MAGI1: variants seen among roughly 807,000 people sequenced by gnomAD.
The protein encoded by MAGI1 is membrane-associated guanylate kinase, WW and PDZ domain-containing protein 1.
Under a neutral mutation model 139.9 loss-of-function variants are expected in MAGI1, and 58 were observed. That is an observed-to-expected ratio of 0.41 (90% CI 0.34 to 0.52). The LOEUF is 0.52. MAGI1 is among the 20% of genes least tolerant of loss of function. The pLI, the probability that MAGI1 is intolerant of heterozygous loss-of-function variation, is 0.12. For missense variants in MAGI1, 1,874 were observed against 1,901.6 expected (o/e 0.99, Z 0.27); for synonymous variants, 812 against 737.9 (o/e 1.10, Z -1.63).
At chr3:65,414,743 A>C (rs1379948152) in intron 12 of MAGI1, among the ~76,000 whole-genome samples, 1 of 152,126 alleles carries the variant, frequency 6.6e-6, no homozygotes, top group Non-Finnish European at 1.5e-5. Context: ...TCATAAGAAA[A>C]AAAAGAGGCA....
At chr3:65,907,776 G>C (rs745307414) in intron 1 of MAGI1, 7 of 152,126 alleles carry the variant, frequency 4.6e-5, no homozygotes, top group Admixed American at 6.5e-5. Flanking sequence ...ACCTTCTCAA[G>C]CATCTGATGG....
chr3:65,420,153 G>C (rs985515838), intron 12 of MAGI1, among the ~76,000 whole-genome samples: 7 of 152,026 alleles, frequency 4.6e-5, no homozygotes, highest in Non-Finnish European at 5.9e-5. Flanking sequence ...CTGAGAGCCT[G>C]TCCCTTCACC....
At chr3:65,856,286 T>A (rs2059376650) in intron 1 of MAGI1, among the ~76,000 whole-genome samples, 2 of 150,190 alleles carry the variant, frequency 1.3e-5, no homozygotes, top group South Asian at 4.2e-4. Context: ...AAGAGTAGAA[T>A]GCAGGTTTTA....
intron 1 of MAGI1, among the ~76,000 whole-genome samples, chr3:65,846,510 G>T (rs1378999992): frequency 6.6e-6 from 1 of 152,208 alleles, no homozygotes; most frequent in Non-Finnish European, 1.5e-5. Flanking sequence ...ATAGTTAAAT[G>T]ATGCTCTGCC....
intron 1 of MAGI1, among the ~76,000 whole-genome samples, chr3:65,902,349 A>C (rs374425142): frequency 6.6e-6 from 1 of 152,190 alleles, no homozygotes. Context: ...AACCTCATAT[A>C]GTAGAATGAA....
rs1486670610 is a variant in MAGI1, at chr3:65,355,569, G to A, written c.*809C>T. On this transcript the variant is annotated 3_prime_UTR_variant, in exon 23 of 23. Coordinates refer to ENST00000402939, the MANE Select transcript of MAGI1 (RefSeq NM_001033057.2). ...GAAAGATGCTTGTTGTCTCTTCCTC[G>A]TAGTAATTGAGCAAAGCTGTGATGG... is the stretch of plus-strand genomic sequence containing the variant. 1.3e-5 allele frequency: 2 copies of A among 152,566 alleles called. No individual in the cohort carries two copies. The highest frequency in any genetic ancestry group is 2.9e-5 in the Non-Finnish European group (2 of 68,034). The allele number at this position is 152,566 out of a possible 1,614,324, so 9.5% of individuals were successfully genotyped here. A position where few individuals can be genotyped will look rare whatever the true frequency, so the allele number is the denominator to read the frequency against.
chr3:65,553,807 G>T (rs576517693), intron 2 of MAGI1, among the ~76,000 whole-genome samples: 34 of 152,154 alleles, frequency 2.2e-4, no homozygotes, highest in Admixed American at 2.0e-3. Flanking sequence ...GTCCTGAGTG[G>T]GTATCCCCAT....
chr3:65,369,012 T>A (rs1290825611), intron 18 of MAGI1, among the ~76,000 whole-genome samples: 1 of 152,196 alleles, frequency 6.6e-6, no homozygotes, highest in Non-Finnish European at 1.5e-5. Context: ...TTTGACTTCT[T>A]AGATTTCAAG....
chr3:65,913,460 G>C (rs1016150464), intron 1 of MAGI1, among the ~76,000 whole-genome samples: 3 of 152,142 alleles, frequency 2.0e-5, no homozygotes, highest in Non-Finnish European at 4.4e-5. Flanking sequence ...AAATTTGGGA[G>C]AGGCAACCCC....
At chr3:65,980,756 G>A (rs1207867370) in intron 1 of MAGI1, among the ~76,000 whole-genome samples, 1 of 152,148 alleles carries the variant, frequency 6.6e-6, no homozygotes, top group Non-Finnish European at 1.5e-5. Context: ...ATTAGTGCAA[G>A]CACAGCCACA....
chr3:65,614,063 T>G lies in MAGI1; in HGVS notation c.430+7909A>C, dbSNP rs1469329924. 2.0e-5 allele frequency among the ~76,000 whole-genome samples: 3 copies of G among 152,070 alleles called. No homozygotes were observed. In the East Asian group the frequency reaches 5.8e-4, roughly 29 times the overall value. Reference sequence around the variant, plus strand: ...GAAACTGAGTCACAGGAAGCATGAGTAACCTGCCCAAGCCAACAAAACTGG... The same window carrying G: ...GAAACTGAGTCACAGGAAGCATGAGGAACCTGCCCAAGCCAACAAAACTGG... On this transcript the variant is annotated intron_variant, in intron 2 of 22. Coordinates refer to ENST00000402939, the MANE Select transcript of MAGI1 (RefSeq NM_001033057.2).
At chr3:65,706,463 C>T (rs2030309516) in intron 1 of MAGI1, among the ~76,000 whole-genome samples, 1 of 152,162 alleles carries the variant, frequency 6.6e-6, no homozygotes, top group African/African-American at 2.4e-5. Flanking sequence ...CGCCCAGCAC[C>T]TCCTGGGTGC....
At chr3:65,405,350 T>C (rs1445127775) in intron 12 of MAGI1, among the ~76,000 whole-genome samples, 6 of 152,196 alleles carry the variant, frequency 3.9e-5, no homozygotes. Context: ...AATGTCATAG[T>C]TGGTGAAATT....
At position 66,015,521 on chromosome 3, in the gene MAGI1, T is replaced by C. The variant is rs900966909; in HGVS notation, c.313+22475A>G. On this transcript the variant is annotated intron_variant, in intron 1 of 22. Transcript: ENST00000402939. The stretch of plus-strand genomic sequence containing the variant: ...TCCTACTCTCAAAAATGGGAATGAT[T>C]ATAACACATTTCATAGAGCTGATTG... Among the ~76,000 whole-genome samples, 7 of 152,166 alleles carry C rather than the reference T, an allele frequency of 4.6e-5. No individual in the cohort carries two copies. The South Asian group carries it at 6.2e-4, about 13-fold the overall frequency.
At chr3:65,739,233 C>T (rs1450130669) in intron 1 of MAGI1, among the ~76,000 whole-genome samples, 1 of 152,208 alleles carries the variant, frequency 6.6e-6, no homozygotes, top group Non-Finnish European at 1.5e-5. Context: ...TTTCCTTAAA[C>T]TTCATGAACC....
At chr3:65,579,276 C>T (rs2081312742) in intron 2 of MAGI1, among the ~76,000 whole-genome samples, 1 of 152,134 alleles carries the variant, frequency 6.6e-6, no homozygotes, top group Non-Finnish European at 1.5e-5. Flanking sequence ...CAGGTGCAAC[C>T]ATCTACCCAA....
At chr3:65,846,590 A>G (rs1162383445) in intron 1 of MAGI1, among the ~76,000 whole-genome samples, 1 of 152,180 alleles carries the variant, frequency 6.6e-6, no homozygotes, top group Non-Finnish European at 1.5e-5. Flanking sequence ...TCAAAGTACC[A>G]GCAGTCATGA....
chr3:65,625,528 T>C (rs1429742276), intron 1 of MAGI1, among the ~76,000 whole-genome samples: 3 of 152,254 alleles, frequency 2.0e-5, no homozygotes, highest in South Asian at 2.1e-4. Flanking sequence ...ACTGTAAAAA[T>C]AGAACACTGA....
chr3:65,959,601 TTTA>T (rs34295973), intron 1 of MAGI1, among the ~76,000 whole-genome samples: 17,724 of 126,962 alleles, frequency 0.14, 1,297 homozygotes, highest in Non-Finnish European at 0.16. Flanking sequence ...TCCCAGCATT[TTTA>T]TTATTATTAT....
Sources: allele counts gnomAD v4.1 joint callset (sites outside exome capture counted in the v4.1 genomes callset), GRCh38; gene constraint gnomAD v4.1.1; transcripts MANE v1.5; gene names NCBI Gene and HGNC (gene_info 2026-07-23, HGNC 2026-07-21).